The following FHIT variants were observed in gnomAD, a reference collection of about 807,000 sequenced individuals.
FHIT encodes the protein fragile histidine triad diadenosine triphosphatase.
Under a neutral mutation model 17.9 loss-of-function variants are expected in FHIT, and 19 were observed. The ratio of observed to expected loss-of-function variants is 1.06; its 90% CI spans 0.74 to 1.56. The LOEUF (loss-of-function observed/expected upper bound fraction) is 1.56. Among genes scored for constraint, FHIT ranks in the 40% most tolerant of loss-of-function variants. FHIT has a pLI of 0.00. For synonymous variants in FHIT, 81 were observed against 69.7 expected (o/e 1.16, Z -0.81); for missense variants, 248 against 189.2 (o/e 1.31, Z -1.82).
At chr3:60,365,262 T>A (rs1054479476) in intron 5 of FHIT, among the ~76,000 whole-genome samples, 1 of 151,758 alleles carries the variant, frequency 6.6e-6, no homozygotes, top group African/African-American at 2.4e-5. Flanking sequence ...TAAAAATGCA[T>A]ATGGAGGAGA....
intron 5 of FHIT, among the ~76,000 whole-genome samples, chr3:60,196,166 C>T (rs754244013): frequency 6.6e-6 from 1 of 152,124 alleles, no homozygotes; most frequent in Non-Finnish European, 1.5e-5. Flanking sequence ...TTTATCCTAT[C>T]GTTTTGGAAG....
chr3:61,162,715 A>G (rs1207075543), intron 2 of FHIT, among the ~76,000 whole-genome samples: 2 of 152,186 alleles, frequency 1.3e-5, no homozygotes, highest in Non-Finnish European at 2.9e-5. Flanking sequence ...AACTCTGTAA[A>G]TTATAGATAA....
At chr3:61,188,779 C>A (rs1241928785) in intron 2 of FHIT, among the ~76,000 whole-genome samples, 1 of 152,018 alleles carries the variant, frequency 6.6e-6, no homozygotes, top group Non-Finnish European at 1.5e-5. Flanking sequence ...TGGTTCAATA[C>A]ACTCAAATCA....
chr3:61,167,815 T>G (rs2037886799), intron 2 of FHIT, among the ~76,000 whole-genome samples: 1 of 152,146 alleles, frequency 6.6e-6, no homozygotes, highest in South Asian at 2.1e-4. Context: ...CACAGGGTTT[T>G]GGCATAATTT....
At chr3:60,400,513 CT>C (rs1473979982) in intron 5 of FHIT, among the ~76,000 whole-genome samples, 1 of 152,000 alleles carries the variant, frequency 6.6e-6, no homozygotes, top group African/African-American at 2.4e-5. Flanking sequence ...AAACACCAAC[CT>C]TGGGTTAGTA....
At chr3:61,025,333 G>A (rs1160310762) in intron 3 of FHIT, among the ~76,000 whole-genome samples, 2 of 152,164 alleles carry the variant, frequency 1.3e-5, no homozygotes, top group East Asian at 3.8e-4. Context: ...CTGCAGTAGA[G>A]TAAAGGCCCC....
chr3:60,629,842 G>A (rs2039392808), intron 4 of FHIT, among the ~76,000 whole-genome samples: 1 of 152,130 alleles, frequency 6.6e-6, no homozygotes, highest in African/African-American at 2.4e-5. Context: ...ATTTAAAGAT[G>A]ACAATCCTAG....
intron 5 of FHIT, among the ~76,000 whole-genome samples, chr3:60,025,913 G>A (rs1171769135): frequency 1.3e-5 from 2 of 152,142 alleles, no homozygotes; most frequent in East Asian, 3.8e-4. Context: ...CTGCTACTCA[G>A]CAATGAACTG....
At position 60,213,085 on chromosome 3, in the gene FHIT, C is replaced by G. The variant is rs182863596; in HGVS notation, c.104-198933G>C. ...TCATTGGTTTATTGCGTTGATTATT[C>G]AAGATTCCTTGGCTGACGATGACAA... On this transcript the variant is annotated intron_variant, in intron 5 of 9. Transcript: ENST00000492590. Among the ~76,000 whole-genome samples the G allele has an allele frequency of 2.3e-3, 346 of 152,258 alleles. 2 individuals carry two copies. The highest frequency in any genetic ancestry group is 7.9e-3 in the African/African-American group (327 of 41,550).
At chr3:60,913,931 C>A (rs182380570) in intron 3 of FHIT, among the ~76,000 whole-genome samples, 101 of 152,294 alleles carry the variant, frequency 6.6e-4, no homozygotes, top group Non-Finnish European at 1.2e-3. Flanking sequence ...ATCTTAAAGT[C>A]TAAATCTGGA....
chr3:59,931,025 C>T (rs1383735089), intron 7 of FHIT, among the ~76,000 whole-genome samples: 2 of 152,128 alleles, frequency 1.3e-5, no homozygotes, highest in Non-Finnish European at 2.9e-5. Context: ...TTTCATATTC[C>T]CTCATTTATC....
intron 1 of FHIT, among the ~76,000 whole-genome samples, chr3:61,222,879 T>C (rs1234863738): frequency 6.6e-6 from 1 of 152,162 alleles, no homozygotes; most frequent in East Asian, 1.9e-4. Flanking sequence ...TGGAATAGAT[T>C]TGATAGTAAG....
chr3:60,350,424 A>G (rs1711028869), intron 5 of FHIT, among the ~76,000 whole-genome samples: 1 of 152,206 alleles, frequency 6.6e-6, no homozygotes, highest in South Asian at 2.1e-4. Context: ...ATATATACAT[A>G]TTAAATGGAA....
chr3:61,217,383 T>C (rs778399447), intron 1 of FHIT, among the ~76,000 whole-genome samples: 7 of 152,194 alleles, frequency 4.6e-5, no homozygotes, highest in Non-Finnish European at 8.8e-5. Flanking sequence ...ATCTGCCAGT[T>C]GTTGCTCAGG....
intron 5 of FHIT, among the ~76,000 whole-genome samples, chr3:60,500,463 C>T (rs1463606075): frequency 1.3e-5 from 2 of 152,220 alleles, no homozygotes; most frequent in East Asian, 3.9e-4. Context: ...TAAGCATCAC[C>T]TAGCAAGAGT....
intron 2 of FHIT, among the ~76,000 whole-genome samples, chr3:61,053,459 G>A (rs1405719346): frequency 2.6e-5 from 4 of 152,132 alleles, no homozygotes; most frequent in Non-Finnish European, 4.4e-5. Flanking sequence ...AGGAATTTGA[G>A]ACCAGCCTGA....
intron 5 of FHIT, among the ~76,000 whole-genome samples, chr3:60,510,403 A>G (rs1249253302): frequency 6.6e-6 from 1 of 152,210 alleles, no homozygotes; most frequent in Non-Finnish European, 1.5e-5. Context: ...TAGGAATTTT[A>G]GGACCCCCTA....
chr3:60,295,257 C>G (rs897168335), intron 5 of FHIT, among the ~76,000 whole-genome samples: 2 of 152,024 alleles, frequency 1.3e-5, no homozygotes, highest in South Asian at 4.1e-4. Flanking sequence ...AAAAAGAAAT[C>G]TCTTAAAAAA....
chr3:59,904,940 C>A (rs1265069678), intron 8 of FHIT, among the ~76,000 whole-genome samples: 1 of 152,118 alleles, frequency 6.6e-6, no homozygotes. Flanking sequence ...TGTAGAAAAC[C>A]AATTAGGAAA....
Sources: allele counts gnomAD v4.1 joint callset (sites outside exome capture counted in the v4.1 genomes callset), GRCh38; gene constraint gnomAD v4.1.1; transcripts MANE v1.5; gene names NCBI Gene and HGNC (gene_info 2026-07-23, HGNC 2026-07-21).